Variants in DOCK9 observed in about 807,000 individuals in gnomAD.
DOCK9 encodes the protein dedicator of cytokinesis 9, also known as dedicator of cytokinesis protein 9.
A neutral mutation model predicts 263.3 loss-of-function variants in DOCK9; 89 were observed. The observed-to-expected ratio is 0.34, with a 90% CI of 0.28 to 0.40. DOCK9 has a LOEUF of 0.40. DOCK9 is among the 10% of genes least tolerant of loss of function. DOCK9 has a pLI of 1.00. For missense variants in DOCK9, 2,140 were observed against 2,603.4 expected (o/e 0.82, Z 3.87); for synonymous variants, 976 against 973.1 (o/e 1.00, Z -0.06).
At chr13:99,010,946 G>C (rs888708685) in intron 1 of DOCK9, among the ~76,000 whole-genome samples, 6 of 152,166 alleles carry the variant, frequency 3.9e-5, no homozygotes, top group Non-Finnish European at 7.3e-5. Context: ...CGCCCAGGCC[G>C]GAGTGCAATG....
In DOCK9 at chr13:98,829,881, A is replaced by G. The variant is rs9517460; in HGVS notation, c.4636-125T>C. 0.17 allele frequency: 121,323 copies of G among 724,002 alleles called. 10,881 individuals carry two copies. The highest frequency in any genetic ancestry group is 0.2 in the Admixed American group (9,412 of 46,834). The allele number at this position is 724,002 out of a possible 1,614,324, so 44.8% of individuals were successfully genotyped here. On this transcript the variant is annotated intron_variant, in intron 41 of 52. Transcript: ENST00000682017. This position sits in a 1 kb window ranked among gnomAD's most constrained non-coding sequence, Gnocchi z 4.1. ...GTGGGGGTTGGGGGGTGCTTTGAGC[A>G]GGGGTCGCTCCGTGTAGGAAACAAT...
intron 50 of DOCK9, among the ~76,000 whole-genome samples, chr13:98,798,936 G>C (rs1216643201): frequency 6.6e-6 from 1 of 152,202 alleles, no homozygotes; most frequent in African/African-American, 2.4e-5. Context: ...ACCCTGGACT[G>C]GTGCCACACC....
At chr13:99,056,948 C>T (rs1418760471) in intron 1 of DOCK9, among the ~76,000 whole-genome samples, 3 of 152,236 alleles carry the variant, frequency 2.0e-5, no homozygotes, top group Admixed American at 1.3e-4. Context: ...CAATGTGGAT[C>T]ACCTCCCTGG....
Position 98,863,094 on chromosome 13 carries a change from C to T in DOCK9, c.3504G>A (p.Leu1168=), listed in dbSNP as rs1437553450. The T allele has an allele frequency of 6.2e-7, 1 of 1,611,192 alleles. No individual in the cohort carries two copies. Among genetic ancestry groups the T allele is most frequent in the Non-Finnish European group, 8.5e-7 (1 of 1,178,762 alleles). Residue 1168 remains leucine, a synonymous_variant, in exon 32 of 53, where the codon CTG becomes CTA. Coordinates refer to ENST00000682017, the MANE Select transcript of DOCK9 (RefSeq NM_001366683.2). ...QARIATLYLP[L]FGLLIENVQR... ...GGACGTTTTCAATCAGCAGACCAAA[C>T]AGAGGCAGGTAGAGGGTGGCTATCC...
chr13:99,078,384 C>T (rs1566399488), intron 1 of DOCK9, among the ~76,000 whole-genome samples: 1 of 152,170 alleles, frequency 6.6e-6, no homozygotes, highest in Non-Finnish European at 1.5e-5. Flanking sequence ...GATAAAGGAA[C>T]AGACATCAGA....
Position 98,809,418 on chromosome 13 carries a change from C to A in DOCK9, c.5301G>T (p.Val1767=). Residue 1767 remains valine (V), a synonymous_variant, in exon 47 of 53, where the codon GTG becomes GTT. Coordinates refer to ENST00000682017, the MANE Select transcript of DOCK9 (RefSeq NM_001366683.2). ...YDTLHRAYSK[V]TEVMHSGRRL... is the part of the protein sequence containing the mutation. ...TGCGGCCCGAGTGCATGACCTCGGT[C>A]ACTTTGCTGTAGGCCCGGTGCAGCG... 1.2e-6 allele frequency: 2 copies of A among 1,613,310 alleles called. No homozygotes were observed. The highest frequency in any genetic ancestry group is 2.2e-5 in the South Asian group (2 of 90,894).
chr13:98,844,371 A>T (rs10459307), intron 38 of DOCK9, among the ~76,000 whole-genome samples: 35,960 of 150,384 alleles, frequency 0.24, 4,607 homozygotes, highest in East Asian at 0.43. Context: ...TATTTTTTTT[A>T]TTTTTTTTTT....
At chr13:98,967,169 T>C (rs1595715358) in intron 1 of DOCK9, among the ~76,000 whole-genome samples, 1 of 152,394 alleles carries the variant, frequency 6.6e-6, no homozygotes, top group East Asian at 1.9e-4. Flanking sequence ...TTTAACCTTT[T>C]AATCTCCATA....
intron 1 of DOCK9, among the ~76,000 whole-genome samples, chr13:98,963,574 C>G (rs1702922272): frequency 6.6e-6 from 1 of 152,236 alleles, no homozygotes; most frequent in East Asian, 1.9e-4. Flanking sequence ...TTAAGAAGAG[C>G]TGAAATCCCA....
At chr13:98,853,590 T>C in intron 34 of DOCK9, 68 bp from the exon 35 acceptor site, 2 of 1,150,112 alleles carry the variant, frequency 1.7e-6, no homozygotes, top group Non-Finnish European at 2.6e-6. Context: ...CTTTTCTCCC[T>C]TGGAAGAGAA....
At chr13:98,898,744 G>A (rs1380547658) in intron 13 of DOCK9, among the ~76,000 whole-genome samples, 2 of 152,200 alleles carry the variant, frequency 1.3e-5, no homozygotes, top group Non-Finnish European at 2.9e-5. Flanking sequence ...AAGATATTAA[G>A]ATACTGACTT....
In DOCK9 at chr13:98,930,271, CA is replaced by C; in HGVS notation, c.244-15del. 1 of 1,601,938 alleles carries C rather than the reference CA, an allele frequency of 6.2e-7. No individual in the cohort carries two copies. The highest frequency in any genetic ancestry group is 8.5e-7 in the Non-Finnish European group (1 of 1,173,744). On this transcript the variant is annotated splice_polypyrimidine_tract_variant and intron_variant, in intron 2 of 52. Coordinates refer to ENST00000682017, the MANE Select transcript of DOCK9 (RefSeq NM_001366683.2). ...CAGGATGGCCGTCTGGAAACAAAAA[CA>C]GGAGGAAAAGCCTTGGGTAAGTGAA...
chr13:98,797,869 A>G (rs2089626110), intron 50 of DOCK9, among the ~76,000 whole-genome samples: 1 of 152,236 alleles, frequency 6.6e-6, no homozygotes, highest in Non-Finnish European at 1.5e-5. Context: ...TTTGTGCTGC[A>G]CTACACTGAA....
chr13:99,087,020 G>A (rs1018611603), upstream of DOCK9, among the ~76,000 whole-genome samples: 1 of 152,090 alleles, frequency 6.6e-6, no homozygotes, highest in Admixed American at 6.5e-5. Flanking sequence ...CGAAGTCACC[G>A]GCAGGGTCGG....
chr13:99,004,026 G>A (rs1882858844), intron 1 of DOCK9, among the ~76,000 whole-genome samples: 2 of 152,076 alleles, frequency 1.3e-5, no homozygotes, highest in Admixed American at 6.5e-5. Context: ...CAGCACTGTG[G>A]AATTACTAGC....
intron 8 of DOCK9, among the ~76,000 whole-genome samples, chr13:98,914,753 T>C (rs971786191): frequency 2.6e-5 from 4 of 152,178 alleles, no homozygotes; most frequent in Non-Finnish European, 5.9e-5. Context: ...GTAAATGGTA[T>C]TTTTAAAAAG....
rs551088511 is a variant in DOCK9 at position 99,037,051 on chromosome 13, T to G, written c.129+49172A>C. ...GATTTTTTATGACTTTGGACTACAG[T>G]ATTTTTTAAAAAGACAACAACATGA... is the stretch of plus-strand genomic sequence containing the variant. On this transcript the variant is annotated intron_variant, in intron 1 of 32. Coordinates refer to the DOCK9 transcript ENST00000427887. 1.2e-4 allele frequency among the ~76,000 whole-genome samples: 18 copies of G among 152,216 alleles called. No individual in the cohort carries two copies. The East Asian group carries it at 2.7e-3, about 23-fold the overall frequency.
intron 45 of DOCK9, among the ~76,000 whole-genome samples, chr13:98,818,851 G>A (rs1317833384): frequency 2.0e-5 from 3 of 152,028 alleles, no homozygotes; most frequent in South Asian, 4.2e-4. Flanking sequence ...GTGTGTGTGT[G>A]CGCACACATG....
chr13:98,888,625 C>T lies in DOCK9; in HGVS notation c.1789+7G>A. 1 of 1,613,526 alleles carries T rather than the reference C, an allele frequency of 6.2e-7. No homozygotes were observed. Among genetic ancestry groups the T allele is most frequent in the Non-Finnish European group, 8.5e-7 (1 of 1,179,556 alleles). ...AATTCTGTCTATTATGTAGAACTGA[C>T]ACTTACTAGGGAAGTCTGAGGAAAC... On this transcript the variant is annotated splice_region_variant and intron_variant, in intron 16 of 52. Coordinates refer to ENST00000682017, the MANE Select transcript of DOCK9 (RefSeq NM_001366683.2).
Sources: allele counts gnomAD v4.1 joint callset (sites outside exome capture counted in the v4.1 genomes callset), GRCh38; gene constraint gnomAD v4.1.1; non-coding constraint Gnocchi (gnomAD v3.1); transcripts MANE v1.5; gene names NCBI Gene and HGNC (gene_info 2026-07-23, HGNC 2026-07-21).